TRIM5: variants seen among roughly 807,000 people sequenced by gnomAD.
TRIM5 encodes the protein tripartite motif-containing protein 5.
Under a neutral mutation model 35.6 loss-of-function variants are expected in TRIM5, and 31 were observed. The ratio of observed to expected loss-of-function variants is 0.87; its 90% CI spans 0.65 to 1.18. TRIM5 has a LOEUF of 1.18. TRIM5 is among the 50% of genes most tolerant of loss of function. The pLI is 0.00. For synonymous variants in TRIM5, 243 were observed against 215.6 expected (o/e 1.13, Z -1.11); for missense variants, 609 against 591.6 (o/e 1.03, Z -0.31).
the TRIM5 span, among the ~76,000 whole-genome samples, chr11:5,638,501 GT>G: frequency 0.32 from 49,324 of 152,058 alleles, 8,952 homozygotes; most frequent in East Asian, 0.62. Context: ...TCATGAAAGA[GT>G]TAAAGCCAAA....
chr11:5,663,528 C>T lies in TRIM5; in HGVS notation c.*1281G>A, dbSNP rs1347414791. On this transcript the variant is annotated 3_prime_UTR_variant, in exon 8 of 8. Coordinates refer to ENST00000380034, the MANE Select transcript of TRIM5 (RefSeq NM_033034.3). Reference sequence around the variant, plus strand: ...TTATGTTTTTCAATAATTTGTAGAACAAGTACTTATTAGATCAAGACACTT... The same window carrying T: ...TTATGTTTTTCAATAATTTGTAGAATAAGTACTTATTAGATCAAGACACTT... 1 of 982,866 alleles carries T rather than the reference C, an allele frequency of 1.0e-6. No individual in the cohort carries two copies. The highest frequency in any genetic ancestry group is 1.2e-6 in the Non-Finnish European group (1 of 827,736). The allele number at this position is 982,866 out of a possible 1,614,324, so 60.9% of individuals were successfully genotyped here. A position where few individuals can be genotyped will look rare whatever the true frequency, so the allele number is the denominator to read the frequency against.
Position 5,675,016 on chromosome 11 carries a change from A to C in TRIM5, c.744+3188T>G, listed in dbSNP as rs142015316. ...TTAACAATGTATTGTATTCTTGAAA[A>C]TTGGGATAAGAGCAGTTTTCTTTTT... On this transcript the variant is annotated intron_variant, in intron 4 of 7. Transcript: ENST00000380034. Among the ~76,000 whole-genome samples the C allele has an allele frequency of 4.4e-4, 67 of 151,088 alleles. 1 individual carries two copies. In the East Asian group the frequency reaches 0.012, roughly 28 times the overall value.
At chr11:5,645,895 ATC>A in the TRIM5 span, 1,833 of 165,568 alleles carry the variant, frequency 0.011, 38 homozygotes, top group African/African-American at 0.035. Context: ...ATATATATAT[ATC>A]TATATATAGA....
At chr11:5,648,233 G>A in the TRIM5 span, among the ~76,000 whole-genome samples, 97 of 152,218 alleles carry the variant, frequency 6.4e-4, no homozygotes, top group African/African-American at 2.1e-3. Context: ...GGGGCCGGGC[G>A]CGGTGGCTTA....
the TRIM5 span, among the ~76,000 whole-genome samples, chr11:5,648,016 T>C: frequency 3.3e-5 from 5 of 152,180 alleles, no homozygotes; most frequent in Admixed American, 3.3e-4. Flanking sequence ...CCCTAAATTG[T>C]GACCAGAAAT....
chr11:5,628,886 G>A, the TRIM5 span, among the ~76,000 whole-genome samples: 7 of 151,688 alleles, frequency 4.6e-5, no homozygotes, highest in East Asian at 5.8e-4. Flanking sequence ...AGCAAACCTC[G>A]GCATTCTTTG....
chr11:5,594,654 A>C, the TRIM5 span, among the ~76,000 whole-genome samples: 2 of 152,126 alleles, frequency 1.3e-5, no homozygotes, highest in African/African-American at 2.4e-5. Context: ...ATGAAGCCCT[A>C]TGCTGACAAG....
chr11:5,661,684 G>GAAAATCC (rs1330351669), downstream of TRIM5, among the ~76,000 whole-genome samples: 1 of 152,186 alleles, frequency 6.6e-6, no homozygotes, highest in African/African-American at 2.4e-5. Context: ...CAGGCAGAGA[G>GAAAATCC]AAAATCCACA....
the TRIM5 span, among the ~76,000 whole-genome samples, chr11:5,629,842 G>A: frequency 6.6e-6 from 1 of 152,086 alleles, no homozygotes; most frequent in Non-Finnish European, 1.5e-5. Flanking sequence ...CGAGTAGCTG[G>A]GACTACAGGC....
chr11:5,636,251 T>C, the TRIM5 span, among the ~76,000 whole-genome samples: 1 of 152,206 alleles, frequency 6.6e-6, no homozygotes, highest in Non-Finnish European at 1.5e-5. Flanking sequence ...GAAAACATTA[T>C]AATTGAAAGA....
chr11:5,676,436 A>G (rs1486186584), intron 4 of TRIM5, among the ~76,000 whole-genome samples: 14 of 152,178 alleles, frequency 9.2e-5, no homozygotes, highest in Admixed American at 6.5e-4. Context: ...ACTACAAACC[A>G]CTACTCAAGG....
the TRIM5 span, among the ~76,000 whole-genome samples, chr11:5,615,033 C>G: frequency 6.6e-6 from 1 of 151,962 alleles, no homozygotes. Context: ...CTTCTTTGAC[C>G]ATTGAATTAT....
chr11:5,611,199 G>C, the TRIM5 span: 2 of 1,613,994 alleles, frequency 1.2e-6, no homozygotes, highest in Non-Finnish European at 1.7e-6. Context: ...TTATGAGGCT[G>C]GTACTGTCTC....
the TRIM5 span, among the ~76,000 whole-genome samples, chr11:5,616,201 TC>T: frequency 2.8e-5 from 3 of 105,966 alleles, 1 homozygote; most frequent in East Asian, 4.9e-4. Flanking sequence ...TCCACCCGCC[TC>T]GGCCTCCCAA....
At position 5,680,038 on chromosome 11, in the gene TRIM5, A is replaced by G. The variant is rs1564925524; in HGVS notation, c.140T>C (p.Met47Thr). The change falls in exon 2 of 8, where the codon ATG (methionine) becomes ACG (threonine). Residue 47 changes from methionine to threonine, a missense_variant. Transcript: ENST00000380034. The stretch of plus-strand genomic sequence containing the variant: ...GCAGCTACTCTCTCCTTTGTCTAGC[A>G]TGGACTTCTTGTGGTTTGCAGTGAG... Reference protein sequence around the residue: ...ACLTANHKKSMLDKGESSCPV... With the variant: ...ACLTANHKKSTLDKGESSCPV... 2.5e-6 allele frequency: 4 copies of G among 1,614,098 alleles called. No homozygotes were observed. In the Middle Eastern group the frequency reaches 4.9e-4, roughly 200 times the overall value.
At chr11:5,600,558 A>G in the TRIM5 span, among the ~76,000 whole-genome samples, 61 of 152,252 alleles carry the variant, frequency 4.0e-4, no homozygotes, top group Admixed American at 3.3e-4. Context: ...TATCTGAGAC[A>G]CTTTCTCAGG....
At chr11:5,633,732 T>G in the TRIM5 span, 5 of 1,454,312 alleles carry the variant, frequency 3.4e-6, no homozygotes, top group Admixed American at 1.2e-4. Flanking sequence ...ACTTGATTTT[T>G]TCCCTGTTTG....
intron 3 of TRIM5, 61 bp downstream of exon 3, chr11:5,679,013 C>G (rs1852210931): frequency 2.2e-6 from 3 of 1,358,460 alleles, no homozygotes; most frequent in African/African-American, 2.8e-5. Context: ...AGGAAGAAAG[C>G]TCCTTCCCCT....
At chr11:5,607,507 G>A in the TRIM5 span, among the ~76,000 whole-genome samples, 4 of 151,462 alleles carry the variant, frequency 2.6e-5, no homozygotes, top group South Asian at 2.1e-4. Flanking sequence ...GCTTTTCTTC[G>A]GGGTCATTGA....
Sources: allele counts gnomAD v4.1 joint callset (sites outside exome capture counted in the v4.1 genomes callset), GRCh38; gene constraint gnomAD v4.1.1; transcripts MANE v1.5; gene names NCBI Gene and HGNC (gene_info 2026-07-23, HGNC 2026-07-21).